SRGAP3: variants seen among roughly 807,000 people sequenced by gnomAD.
SRGAP3 encodes the protein SLIT-ROBO Rho GTPase-activating protein 3.
Under a neutral mutation model 121.1 loss-of-function variants are expected in SRGAP3, and 39 were observed. The ratio of observed to expected loss-of-function variants is 0.32; its 90% CI spans 0.25 to 0.42. The LOEUF is 0.42. SRGAP3 is among the 10% of genes least tolerant of loss of function. The probability of loss-of-function intolerance (pLI) is 1.00; values close to 1 mark genes in which losing one functional copy is unlikely to be tolerated. For missense variants in SRGAP3, 1,213 were observed against 1,470.6 expected (o/e 0.82, Z 2.86); for synonymous variants, 601 against 570.0 (o/e 1.05, Z -0.77).
chr3:8,995,855 C>CT (rs1231632163), intron 18 of SRGAP3, among the ~76,000 whole-genome samples: 11 of 152,108 alleles, frequency 7.2e-5, no homozygotes, highest in East Asian at 3.8e-4. Flanking sequence ...ATAATTCTTA[C>CT]TTTTTTTTAT....
In SRGAP3 at chr3:9,229,882, C is replaced by T. The variant is rs534680417; in HGVS notation, c.67+19003G>A. On this transcript the variant is annotated intron_variant, in intron 1 of 21. Transcript: ENST00000383836. Reference sequence around the variant, plus strand: ...TCCTGGTTCTCTCTGCCACAGGATTCGCTGTTTCTCTGAATGGTAACCTCG... The same window carrying T: ...TCCTGGTTCTCTCTGCCACAGGATTTGCTGTTTCTCTGAATGGTAACCTCG... Among the ~76,000 whole-genome samples, 38 of 152,312 alleles carry T rather than the reference C, an allele frequency of 2.5e-4. No individual in the cohort carries two copies. The South Asian group carries it at 5.8e-3, about 23-fold the overall frequency.
chr3:9,075,316 G>C (rs138932181), intron 4 of SRGAP3, among the ~76,000 whole-genome samples: 1 of 152,204 alleles, frequency 6.6e-6, no homozygotes, highest in African/African-American at 2.4e-5. Context: ...ATACAAGCAC[G>C]TGAATGTGCA....
chr3:9,213,981 C>A (rs1414852441), intron 1 of SRGAP3, among the ~76,000 whole-genome samples: 2 of 152,032 alleles, frequency 1.3e-5, no homozygotes, highest in Non-Finnish European at 2.9e-5. Flanking sequence ...AGGAACCATT[C>A]CCCTCCACTC....
chr3:8,985,243 T>G lies in SRGAP3; in HGVS notation c.*276A>C. On this transcript the variant is annotated 3_prime_UTR_variant, in exon 22 of 22. Coordinates refer to ENST00000383836, the MANE Select transcript of SRGAP3 (RefSeq NM_014850.4). The surrounding 1 kb of genome is among the most constrained non-coding windows in gnomAD (Gnocchi z 5.1). ...ACGATATGCGGGAGAAGCCATGTGGTATTTTGCCTCCATGTTAGGGAATGC... is the reference window on the plus strand; with the variant it reads ...ACGATATGCGGGAGAAGCCATGTGGGATTTTGCCTCCATGTTAGGGAATGC... 1 of 542,898 alleles carries G rather than the reference T, an allele frequency of 1.8e-6. No homozygotes were observed. Among genetic ancestry groups the G allele is most frequent in the Admixed American group, 3.6e-5 (1 of 28,112 alleles). 33.6% of individuals were successfully genotyped at this position (542,898 alleles called of 1,614,324 possible). A position where few individuals can be genotyped will look rare whatever the true frequency, so the allele number is the denominator to read the frequency against.
intron 3 of SRGAP3, among the ~76,000 whole-genome samples, chr3:9,296,195 T>G (rs1235636081): frequency 6.6e-6 from 1 of 152,252 alleles, no homozygotes; most frequent in Non-Finnish European, 1.5e-5. Flanking sequence ...ATTTTATATC[T>G]AATTTTTTGA....
At chr3:9,288,311 T>A in intron 3 of SRGAP3, among the ~76,000 whole-genome samples, 1 of 151,680 alleles carries the variant, frequency 6.6e-6, no homozygotes, top group Non-Finnish European at 1.5e-5. Context: ...CTAATTTTCA[T>A]ATTTTTAGTA....
intron 1 of SRGAP3, among the ~76,000 whole-genome samples, chr3:9,214,120 A>ACACACACACACACACACATG (rs1553692737): frequency 1.1e-4 from 16 of 142,852 alleles, no homozygotes; most frequent in Non-Finnish European, 1.7e-4. Flanking sequence ...CACCTCCAAC[A>ACACACACACACACACACATG]CACACACACA....
intron 1 of SRGAP3, among the ~76,000 whole-genome samples, chr3:9,338,195 G>A (rs116403086): frequency 3.3e-5 from 5 of 152,168 alleles, no homozygotes; most frequent in Non-Finnish European, 5.9e-5. Context: ...TTGCACTTGG[G>A]GGGGAATGGG....
chr3:9,285,862 T>C (rs538069320), intron 3 of SRGAP3, among the ~76,000 whole-genome samples: 21 of 151,740 alleles, frequency 1.4e-4, no homozygotes, highest in African/African-American at 4.8e-4. Flanking sequence ...AATCCCAGCA[T>C]TTTGGGAGGC....
At position 9,242,864 on chromosome 3, in the gene SRGAP3, T is replaced by C. The variant is rs1953694826; in HGVS notation, c.67+6021A>G. On this transcript the variant is annotated intron_variant, in intron 1 of 21. Transcript: ENST00000383836. ...CACACCTGGCTAATTTTTGTATTTT[T>C]TGTAGAGACAGGATTTTGCCATGTT... 2.6e-5 allele frequency among the ~76,000 whole-genome samples: 4 copies of C among 152,074 alleles called. 1 individual carries two copies. Among genetic ancestry groups the C allele is most frequent in the Admixed American group, 1.3e-4 (2 of 15,280 alleles).
chr3:9,123,396 CAAT>C lies in SRGAP3; in HGVS notation c.260+1326_260+1328del, dbSNP rs1380605848. Among the ~76,000 whole-genome samples the C allele has an allele frequency of 3.0e-3, 16 of 5,268 alleles. No individual in the cohort carries two copies. The South Asian group carries it at 0.1, about 33-fold the overall frequency. 3.5% of individuals were successfully genotyped at this position (5,268 alleles called of 152,430 possible). On this transcript the variant is annotated intron_variant, in intron 2 of 21. Transcript: ENST00000383836. Reference sequence around the variant, plus strand: ...AAATATATATATATATATACATACACAATACACATACATACACATACATGGAGA... The same window carrying C: ...AAATATATATATATATATACATACACACACATACATACACATACATGGAGA...
chr3:9,024,023 C>T (rs1006836118), intron 14 of SRGAP3, among the ~76,000 whole-genome samples: 1 of 152,132 alleles, frequency 6.6e-6, no homozygotes, highest in Non-Finnish European at 1.5e-5. Context: ...AGAGAATTTG[C>T]TCAAGAGGCA....
In SRGAP3 at chr3:9,148,659, T is replaced by C. The variant is rs558442745; in HGVS notation, c.68-23742A>G. ...CCAATTTACAATGGAGAACCTGAGATATCAGAAGCCTGGGACGTGGGGCCT... is the reference window on the plus strand; with the variant it reads ...CCAATTTACAATGGAGAACCTGAGACATCAGAAGCCTGGGACGTGGGGCCT... On this transcript the variant is annotated intron_variant, in intron 1 of 21. Coordinates refer to ENST00000383836, the MANE Select transcript of SRGAP3 (RefSeq NM_014850.4). Among the ~76,000 whole-genome samples, 151 of 152,342 alleles carry C rather than the reference T, an allele frequency of 9.9e-4. 1 individual carries two copies. Among genetic ancestry groups the C allele is most frequent in the Non-Finnish European group, 4.4e-4 (30 of 68,028 alleles).
intron 1 of SRGAP3, among the ~76,000 whole-genome samples, chr3:9,135,700 C>T (rs1282472360): frequency 2.0e-5 from 3 of 152,236 alleles, no homozygotes; most frequent in East Asian, 3.8e-4. Context: ...GGAAATAATG[C>T]ACATGATGTG....
intron 1 of SRGAP3, among the ~76,000 whole-genome samples, chr3:9,342,984 G>A (rs938006787): frequency 2.6e-5 from 4 of 152,180 alleles, no homozygotes; most frequent in East Asian, 1.9e-4. Context: ...TGGGCTGTCC[G>A]GGCCCACCAT....
rs557624409 is a variant in SRGAP3, at chr3:9,015,349, G to A, written c.1813+248C>T. On this transcript the variant is annotated intron_variant, in intron 15 of 21. Transcript: ENST00000383836. Reference sequence around the variant, plus strand: ...GCTCCCAGCACTCTCTCTTGGCTCTGATCTGCGAAACCAAGTCTTCCTCTG... The same window carrying A: ...GCTCCCAGCACTCTCTCTTGGCTCTAATCTGCGAAACCAAGTCTTCCTCTG... Among the ~76,000 whole-genome samples the A allele has an allele frequency of 1.5e-3, 231 of 152,270 alleles. 1 individual carries two copies. The highest frequency in any genetic ancestry group is 5.5e-3 in the African/African-American group (229 of 41,536).
intron 2 of SRGAP3, among the ~76,000 whole-genome samples, chr3:9,123,598 A>C (rs1423738468): frequency 6.6e-6 from 1 of 151,794 alleles, no homozygotes; most frequent in East Asian, 1.9e-4. Flanking sequence ...TCAGCTACTC[A>C]GGAGGCTGAG....
At chr3:9,330,876 G>C (rs1187527652) in intron 1 of SRGAP3, among the ~76,000 whole-genome samples, 1 of 152,108 alleles carries the variant, frequency 6.6e-6, no homozygotes, top group Non-Finnish European at 1.5e-5. Context: ...ATGGCTGCTG[G>C]GATTGGCCAA....
Position 9,317,928 on chromosome 3 carries a change from T to C in SRGAP3, n.442+8082A>G, listed in dbSNP as rs558083786. Among the ~76,000 whole-genome samples, 32 of 152,386 alleles carry C rather than the reference T, an allele frequency of 2.1e-4. No individual in the cohort carries two copies. The South Asian group carries it at 6.0e-3, about 29-fold the overall frequency. On this transcript the variant is annotated intron_variant and non_coding_transcript_variant, in intron 3 of 3. Transcript: ENST00000490889. ...GTAAACATATTGTGGTACCCACCTA[T>C]GGATACAGGCTACATGCTTTCTACA...
Sources: allele counts gnomAD v4.1 joint callset (sites outside exome capture counted in the v4.1 genomes callset), GRCh38; gene constraint gnomAD v4.1.1; non-coding constraint Gnocchi (gnomAD v3.1); transcripts MANE v1.5; gene names NCBI Gene and HGNC (gene_info 2026-07-23, HGNC 2026-07-21).